The following RGS17 variants were observed in gnomAD, a reference collection of about 807,000 sequenced individuals.
RGS17 encodes the protein regulator of G protein signaling 17.
Under a neutral mutation model 25.5 loss-of-function variants are expected in RGS17, and 12 were observed. That is an observed-to-expected ratio of 0.47 (90% CI 0.30 to 0.76). RGS17 has a LOEUF of 0.76. Among genes scored for constraint, RGS17 ranks in the 30% least tolerant of loss-of-function variants. RGS17 has a pLI of 0.07. For synonymous variants in RGS17, 71 were observed against 76.9 expected (o/e 0.92, Z 0.40); for missense variants, 196 against 242.2 (o/e 0.81, Z 1.27).
At chr6:153,046,459 A>T (rs2349199) in intron 1 of RGS17, among the ~76,000 whole-genome samples, 58,476 of 151,506 alleles carry the variant, frequency 0.39, 11,997 homozygotes, top group East Asian at 0.62. Context: ...TACTGGAACA[A>T]CATTATGTAC....
chr6:153,088,910 T>C (rs1295931534), intron 1 of RGS17, among the ~76,000 whole-genome samples: 1 of 143,902 alleles, frequency 6.9e-6, no homozygotes, highest in Non-Finnish European at 1.5e-5. Flanking sequence ...ACTGCAGCTG[T>C]CCGCAGATTA....
intron 1 of RGS17, among the ~76,000 whole-genome samples, chr6:153,126,240 C>T (rs142794011): frequency 8.5e-5 from 13 of 152,320 alleles, no homozygotes; most frequent in Admixed American, 7.8e-4. Context: ...CTCAGAAGTT[C>T]TTCCATAACA....
chr6:153,024,264 C>G lies in RGS17; in HGVS notation c.442G>C (p.Glu148Gln). Residue 148 changes from glutamate (E) to glutamine (Q), a missense_variant and splice_region_variant, in exon 4 of 5, where the codon GAG becomes CAG. By Grantham distance (29) the Glu-to-Gln change is conservative (BLOSUM62 2). Transcript: ENST00000206262. Reference sequence around the variant, plus strand: ...CTCAATGTTTTCCAGATTTTTACCTCTTTTGGTGATAGTATAGAAATGTAA... The same window carrying G: ...CTCAATGTTTTCCAGATTTTTACCTGTTTTGGTGATAGTATAGAAATGTAA... The part of the protein sequence containing the change: ...EDYISILSPK[E>Q]VSLDSRVREV... The G allele has an allele frequency of 6.2e-7, 1 of 1,601,544 alleles. No individual in the cohort carries two copies. Among genetic ancestry groups the G allele is most frequent in the Non-Finnish European group, 8.5e-7 (1 of 1,170,120 alleles).
intron 4 of RGS17, among the ~76,000 whole-genome samples, chr6:153,020,074 A>T (rs1195563584): frequency 8.1e-6 from 1 of 124,124 alleles, no homozygotes; most frequent in South Asian, 2.8e-4. Flanking sequence ...AACAGAAGTT[A>T]TGTCACCTCC....
chr6:153,061,379 G>C (rs1776636003), intron 1 of RGS17, among the ~76,000 whole-genome samples: 2 of 152,140 alleles, frequency 1.3e-5, no homozygotes, highest in Admixed American at 1.3e-4. Flanking sequence ...AATACTGACA[G>C]CACTTTCATC....
rs1182416242 is a variant in RGS17 at position 153,006,304 on chromosome 6, ATAT to A, written c.*5267_*5269del. Reference sequence around the variant, plus strand: ...ATTTATATATTTAGCAAGTAATTTGATATTATTTCTGTCCTTGGGAATGTTGTT... The same window carrying A: ...ATTTATATATTTAGCAAGTAATTTGATATTTCTGTCCTTGGGAATGTTGTT... On this transcript the variant is annotated 3_prime_UTR_variant, in exon 5 of 5. Coordinates refer to ENST00000206262, the MANE Select transcript of RGS17 (RefSeq NM_012419.5). The A allele has an allele frequency of 6.6e-6, 1 of 152,440 alleles. No homozygotes were observed. Among genetic ancestry groups the A allele is most frequent in the African/African-American group, 2.4e-5 (1 of 41,430 alleles). 9.4% of individuals were successfully genotyped at this position (152,440 alleles called of 1,614,324 possible). A position where few individuals can be genotyped will look rare whatever the true frequency, so the allele number is the denominator to read the frequency against.
At chr6:153,082,503 T>C (rs977554503) in intron 1 of RGS17, among the ~76,000 whole-genome samples, 1 of 152,202 alleles carries the variant, frequency 6.6e-6, no homozygotes, top group Non-Finnish European at 1.5e-5. Context: ...GCCCATCCAA[T>C]GGTTTTATTT....
chr6:153,049,651 T>C (rs919464390), intron 1 of RGS17, among the ~76,000 whole-genome samples: 1 of 152,064 alleles, frequency 6.6e-6, no homozygotes, highest in Non-Finnish European at 1.5e-5. Flanking sequence ...CTTGGGAGGC[T>C]GAGGCAGGAG....
At chr6:153,085,985 T>C (rs1777047944) in intron 1 of RGS17, among the ~76,000 whole-genome samples, 1 of 152,218 alleles carries the variant, frequency 6.6e-6, no homozygotes, top group Non-Finnish European at 1.5e-5. Flanking sequence ...TGGGAGTTCA[T>C]GGGATCATAT....
chr6:153,026,833 A>T (rs1422185514), intron 2 of RGS17, among the ~76,000 whole-genome samples: 1 of 152,120 alleles, frequency 6.6e-6, no homozygotes, highest in Non-Finnish European at 1.5e-5. Context: ...TTTCTGAGAT[A>T]TATGATTAAA....
chr6:153,087,837 T>C lies in RGS17; in HGVS notation c.-26+43287A>G, dbSNP rs78080261. On this transcript the variant is annotated intron_variant, in intron 1 of 4. Transcript: ENST00000206262. ...TGATTATGTAAAGGGAGAAGACTTCTGAGGACCTTGAGATCACCCATAATG... is the reference window on the plus strand; with the variant it reads ...TGATTATGTAAAGGGAGAAGACTTCCGAGGACCTTGAGATCACCCATAATG... 1.9e-3 allele frequency among the ~76,000 whole-genome samples: 285 copies of C among 152,298 alleles called. 2 individuals are homozygous for C. In the East Asian group the frequency reaches 0.026, roughly 14 times the overall value.
In RGS17 at chr6:153,061,863, T is replaced by C. The variant is rs146608967; in HGVS notation, c.-25-17820A>G. 1.7e-3 allele frequency among the ~76,000 whole-genome samples: 264 copies of C among 152,356 alleles called. 2 individuals carry two copies. Among genetic ancestry groups the C allele is most frequent in the African/African-American group, 6.1e-3 (253 of 41,584 alleles). On this transcript the variant is annotated intron_variant, in intron 1 of 4. Transcript: ENST00000206262. ...ATACCTGTATATTGAAGAACAGCTT[T>C]ACTTGGCCATCTCTCCAGATATTAA...
At chr6:153,051,676 CCTGA>C (rs796422404) in intron 1 of RGS17, among the ~76,000 whole-genome samples, 1 of 152,090 alleles carries the variant, frequency 6.6e-6, no homozygotes, top group Non-Finnish European at 1.5e-5. Context: ...CTTTGTTCCT[CCTGA>C]CTGTTTAGTA....
At chr6:153,041,424 A>C (rs1186417395) in intron 2 of RGS17, among the ~76,000 whole-genome samples, 4 of 152,102 alleles carry the variant, frequency 2.6e-5, no homozygotes, top group African/African-American at 9.7e-5. Context: ...AGCTTCCGAA[A>C]GCTGTTTTGT....
chr6:153,076,498 T>A (rs1776881863), intron 1 of RGS17, among the ~76,000 whole-genome samples: 1 of 152,108 alleles, frequency 6.6e-6, no homozygotes, highest in Non-Finnish European at 1.5e-5. Context: ...ATATAGAGTA[T>A]CTGGATCCCG....
rs193198466 is a variant in RGS17 at position 153,033,922 on chromosome 6, G to A, written c.120-7379C>T. 1.2e-4 allele frequency among the ~76,000 whole-genome samples: 18 copies of A among 152,136 alleles called. No individual in the cohort carries two copies. The East Asian group carries it at 2.9e-3, about 25-fold the overall frequency. ...ATCTTAGATGTGAAAAGGCCAAATG[G>A]ACTTCTATTTAGTTAGGAGCAATAA... is the stretch of plus-strand genomic sequence containing the variant. On this transcript the variant is annotated intron_variant, in intron 2 of 4. Transcript: ENST00000206262.
At chr6:153,088,580 C>A (rs558081037) in intron 1 of RGS17, among the ~76,000 whole-genome samples, 1 of 152,200 alleles carries the variant, frequency 6.6e-6, no homozygotes, top group African/African-American at 2.4e-5. Context: ...ATCTTATAAA[C>A]TGAGGAAATC....
chr6:153,105,266 G>C (rs1356257040), intron 1 of RGS17, among the ~76,000 whole-genome samples: 1 of 152,066 alleles, frequency 6.6e-6, no homozygotes, highest in East Asian at 1.9e-4. Flanking sequence ...TGTAGTTGTT[G>C]TTCTGTCTAC....
At chr6:153,065,427 T>A (rs967467812) in intron 1 of RGS17, among the ~76,000 whole-genome samples, 1 of 152,242 alleles carries the variant, frequency 6.6e-6, no homozygotes, top group Non-Finnish European at 1.5e-5. Context: ...TCAGACTTAA[T>A]CTGCACTATA....
Sources: allele counts gnomAD v4.1 joint callset (sites outside exome capture counted in the v4.1 genomes callset), GRCh38; gene constraint gnomAD v4.1.1; transcripts MANE v1.5; gene names NCBI Gene and HGNC (gene_info 2026-07-23, HGNC 2026-07-21).